The following PLXDC1 variants were observed in gnomAD, a reference collection of about 807,000 sequenced individuals.
The protein encoded by PLXDC1 is plexin domain-containing protein 1.
In PLXDC1, 39 loss-of-function variants were observed where a neutral mutation model predicts 61.3. The observed-to-expected ratio is 0.64, with a 90% CI of 0.49 to 0.83. The LOEUF is 0.83. Among genes scored for constraint, PLXDC1 ranks in the 40% least tolerant of loss-of-function variants. The pLI is 0.00. For synonymous variants in PLXDC1, 212 were observed against 254.5 expected (o/e 0.83, Z 1.59); for missense variants, 596 against 666.5 (o/e 0.89, Z 1.17).
At chr17:39,141,240 G>T (rs1911925489) in intron 1 of PLXDC1, among the ~76,000 whole-genome samples, 1 of 152,152 alleles carries the variant, frequency 6.6e-6, no homozygotes, top group Non-Finnish European at 1.5e-5. Flanking sequence ...ATTTTGTTCA[G>T]GGTGGTTGGT....
rs1257905045 is a variant in PLXDC1, at chr17:39,065,533, C to T, written c.*2307G>A. On this transcript the variant is annotated 3_prime_UTR_variant, in exon 14 of 14. Coordinates refer to ENST00000315392, the MANE Select transcript of PLXDC1 (RefSeq NM_020405.5). Reference sequence around the variant, plus strand: ...CCTCCTGGCTCAGCCTCCCTAGTAGCTGGGACTACAGGTGCACCCCACCAC... The same window carrying T: ...CCTCCTGGCTCAGCCTCCCTAGTAGTTGGGACTACAGGTGCACCCCACCAC... The T allele has an allele frequency of 6.6e-6, 1 of 151,756 alleles. No individual in the cohort carries two copies. Among genetic ancestry groups the T allele is most frequent in the Non-Finnish European group, 1.5e-5 (1 of 68,046 alleles). The allele number at this position is 151,756 out of a possible 1,614,324, so 9.4% of individuals were successfully genotyped here.
chr17:39,134,823 G>A (rs16499), intron 2 of PLXDC1, among the ~76,000 whole-genome samples: 10,294 of 151,978 alleles, frequency 0.068, 458 homozygotes, highest in East Asian at 0.13. Flanking sequence ...CCACTTGAAA[G>A]GGGAGCACAA....
chr17:39,120,435 G>A (rs189267116), intron 2 of PLXDC1, among the ~76,000 whole-genome samples: 244 of 152,114 alleles, frequency 1.6e-3, no homozygotes, highest in Non-Finnish European at 2.4e-3. Context: ...ATTGAGTCTT[G>A]CTCTGACATA....
intron 2 of PLXDC1, among the ~76,000 whole-genome samples, chr17:39,122,609 C>A (rs535645806): frequency 6.6e-6 from 1 of 152,202 alleles, no homozygotes; most frequent in African/African-American, 2.4e-5. Flanking sequence ...AAAAAGGATG[C>A]GGAGACCTTG....
At chr17:39,128,141 ATATATATGTGTG>A (rs1911401163) in intron 2 of PLXDC1, among the ~76,000 whole-genome samples, 1 of 113,248 alleles carries the variant, frequency 8.8e-6, no homozygotes, top group African/African-American at 4.1e-5. Context: ...ATATATATGT[ATATATATGTGTG>A]TATATATATG....
intron 2 of PLXDC1, among the ~76,000 whole-genome samples, chr17:39,121,372 G>A (rs1173195338): frequency 6.6e-6 from 1 of 152,150 alleles, no homozygotes; most frequent in Non-Finnish European, 1.5e-5. Flanking sequence ...CTTACTCAAG[G>A]CTTCTTGGGT....
At chr17:39,132,942 G>A (rs1196806565) in intron 2 of PLXDC1, among the ~76,000 whole-genome samples, 1 of 152,274 alleles carries the variant, frequency 6.6e-6, no homozygotes, top group South Asian at 2.1e-4. Flanking sequence ...CAGATGAACA[G>A]AGGAAGTGTT....
At chr17:39,079,240 CTCTCT>C in intron 9 of PLXDC1, 76 bp from the exon 10 acceptor site, 1 of 1,278,866 alleles carries the variant, frequency 7.8e-7, no homozygotes. Context: ...TCAGTAACAG[CTCTCT>C]GCTGATAGTG....
At position 39,087,620 on chromosome 17, in the gene PLXDC1, GA is replaced by G; in HGVS notation, c.893del (p.Phe298SerfsTer21). 1 of 1,613,424 alleles carries G rather than the reference GA, an allele frequency of 6.2e-7. No individual in the cohort carries two copies. On this transcript the variant is annotated frameshift_variant, in exon 8 of 14. Transcript: ENST00000315392. LOFTEE classifies it high-confidence loss of function. ...SKVTSMSAVE[F>X]TPLPTCLQHR... Reference sequence around the variant, plus strand: ...ACCCCTACTCACTCGGCAATGGGGTGAACTCCACGGCCGACATGCTGGTGAC... The same window carrying G: ...ACCCCTACTCACTCGGCAATGGGGTGACTCCACGGCCGACATGCTGGTGAC...
At chr17:39,135,701 C>T (rs1008850757) in intron 2 of PLXDC1, among the ~76,000 whole-genome samples, 2 of 151,682 alleles carry the variant, frequency 1.3e-5, no homozygotes, top group South Asian at 4.2e-4. Context: ...AAAAAAGTTC[C>T]CACACCTACA....
intron 7 of PLXDC1, among the ~76,000 whole-genome samples, chr17:39,103,581 G>A (rs552774791): frequency 1.3e-5 from 2 of 152,030 alleles, no homozygotes; most frequent in Admixed American, 1.3e-4. Flanking sequence ...CGCGGTGGCT[G>A]ACTCCTGTAA....
intron 2 of PLXDC1, among the ~76,000 whole-genome samples, chr17:39,114,498 T>A (rs1415700510): frequency 6.6e-6 from 1 of 152,218 alleles, no homozygotes; most frequent in Non-Finnish European, 1.5e-5. Flanking sequence ...CTTGTGACAA[T>A]TTACTTGGAT....
chr17:39,077,786 A>T, intron 11 of PLXDC1, 127 bp downstream of exon 11: 1 of 832,726 alleles, frequency 1.2e-6, no homozygotes, highest in Admixed American at 2.7e-5. Context: ...CCCCTTAGCT[A>T]TAAAAGGATG....
At chr17:39,101,243 G>A (rs1027769747) in intron 7 of PLXDC1, among the ~76,000 whole-genome samples, 1 of 152,202 alleles carries the variant, frequency 6.6e-6, no homozygotes, top group African/African-American at 2.4e-5. Context: ...TCAGAAACGC[G>A]CAGAAGAGTT....
At position 39,077,820 on chromosome 17, in the gene PLXDC1, C is replaced by T. The variant is rs28527213; in HGVS notation, c.1186+93G>A. On this transcript the variant is annotated intron_variant, in intron 11 of 13. Transcript: ENST00000315392. The stretch of plus-strand genomic sequence containing the variant: ...TGGGGCAGTTCCCATCCCATGAGAT[C>T]ATCCCTGTCAGGGACAGAGAGGGGG... 1.3e-3 allele frequency: 1,583 copies of T among 1,229,030 alleles called. 15 individuals are homozygous for T. In the African/African-American group the frequency reaches 0.021, roughly 16 times the overall value. 76.1% of individuals were successfully genotyped at this position (1,229,030 alleles called of 1,614,324 possible).
intron 6 of PLXDC1, among the ~76,000 whole-genome samples, chr17:39,106,799 G>A (rs1218162725): frequency 6.6e-6 from 1 of 151,828 alleles, no homozygotes; most frequent in African/African-American, 2.4e-5. Context: ...ACAGGTGCCT[G>A]CCACCACGTC....
At chr17:39,110,442 T>G (rs1175146912) in intron 2 of PLXDC1, among the ~76,000 whole-genome samples, 1 of 152,170 alleles carries the variant, frequency 6.6e-6, no homozygotes, top group Non-Finnish European at 1.5e-5. Flanking sequence ...AGAGGAGCAC[T>G]TGGGCCAGGG....
chr17:39,069,245 A>C (rs970636954), intron 13 of PLXDC1, among the ~76,000 whole-genome samples: 2 of 152,136 alleles, frequency 1.3e-5, no homozygotes, highest in African/African-American at 4.8e-5. Context: ...GGCTGGGACC[A>C]CAGGTACGTG....
In PLXDC1 at chr17:39,139,822, C is replaced by T. The variant is rs1480911553; in HGVS notation, c.87G>A (p.Glu29=). The T allele has an allele frequency of 1.2e-6, 2 of 1,602,418 alleles. No homozygotes were observed. Among genetic ancestry groups the T allele is most frequent in the Non-Finnish European group, 8.5e-7 (1 of 1,172,386 alleles). Residue 29 remains glutamate (E), a synonymous_variant, in exon 2 of 14, where the codon GAG becomes GAA. Coordinates refer to ENST00000315392, the MANE Select transcript of PLXDC1 (RefSeq NM_020405.5). The part of the protein sequence containing the change: ...LSPQPGAGHD[E]GPGSGWAAKG... Reference sequence around the variant, plus strand: ...TGGCAGCCCATCCAGAGCCTGGGCCCTCATCGTGACCTGGGAGAAGGGGAC... The same window carrying T: ...TGGCAGCCCATCCAGAGCCTGGGCCTTCATCGTGACCTGGGAGAAGGGGAC...
Sources: gnomAD v4.1 joint callset for allele counts (sites outside exome capture counted in the v4.1 genomes callset) on GRCh38, gnomAD v4.1.1 for gene constraint, MANE v1.5 for transcripts, NCBI Gene and HGNC (gene_info 2026-07-23, HGNC 2026-07-21) for gene names.